Variants in KHSRP observed in about 807,000 individuals in gnomAD.
KHSRP encodes far upstream element-binding protein 2.
In KHSRP, 13 loss-of-function variants were observed where a neutral mutation model predicts 94.9. The ratio of observed to expected loss-of-function variants is 0.14; its 90% CI spans 0.09 to 0.22. The LOEUF is 0.22. Among genes scored for constraint, KHSRP ranks in the 10% least tolerant of loss-of-function variants. The probability of loss-of-function intolerance (pLI) is 1.00; values close to 1 mark genes in which losing one functional copy is unlikely to be tolerated. For missense variants in KHSRP, 710 were observed against 1,010.0 expected (o/e 0.70, Z 4.03); for synonymous variants, 495 against 401.4 (o/e 1.23, Z -2.79).
At chr19:6,420,169 G>A (rs1285965618) in intron 5 of KHSRP, 25 bp from the exon 6 acceptor site, 11 of 1,600,394 alleles carry the variant, frequency 6.9e-6, no homozygotes, top group Middle Eastern at 1.7e-4. Context: ...AAGGAGAAAA[G>A]CAAAGCGTGA....
chr19:6,422,493 C>T, intron 1 of KHSRP, 57 bp from the exon 2 acceptor site: 3 of 1,280,140 alleles, frequency 2.3e-6, no homozygotes, highest in Non-Finnish European at 2.3e-6. Flanking sequence ...CTCCATGGCA[C>T]CCAGGTCAAC....
rs1376316532 is a variant in KHSRP at position 6,413,386 on chromosome 19, G to C, written c.*1638C>G. 4 of 413,392 alleles carry C rather than the reference G, an allele frequency of 9.7e-6. No homozygotes were observed. The highest frequency in any genetic ancestry group is 8.5e-5 in the African/African-American group (4 of 46,808). 25.6% of individuals were successfully genotyped at this position (413,392 alleles called of 1,614,324 possible). A position where few individuals can be genotyped will look rare whatever the true frequency, so the allele number is the denominator to read the frequency against. ...CATTTATTTGTGAAGTTAAAAACGA[G>C]CGATAAAAAGTAAAAACTGCCATAC... On this transcript the variant is annotated 3_prime_UTR_variant, in exon 19 of 19. Transcript: ENST00000600480.
At position 6,418,693 on chromosome 19, in the gene KHSRP, T is replaced by C. The variant is rs1455446457; in HGVS notation, c.780+9A>G. On this transcript the variant is annotated intron_variant, in intron 8 of 18. Transcript: ENST00000600480. The surrounding 1 kb of genome is among the most constrained non-coding windows in gnomAD (Gnocchi z 4.3). ...GATGCAGAGGAAGCTGCCCAGGTGC[T>C]GCCCTCACCTGCAGCTGCTTAATGG... 2 of 1,613,856 alleles carry C rather than the reference T, an allele frequency of 1.2e-6. No individual in the cohort carries two copies. The highest frequency in any genetic ancestry group is 1.7e-6 in the Non-Finnish European group (2 of 1,179,834).
At chr19:6,421,026 C>A in intron 4 of KHSRP, 1 of 533,382 alleles carries the variant, frequency 1.9e-6, no homozygotes, top group Admixed American at 3.5e-5. Context: ...GCGGAGGAAG[C>A]CATAGGGTGC....
chr19:6,416,691 C>T, intron 13 of KHSRP, 41 bp from the exon 14 acceptor site: 2 of 1,612,804 alleles, frequency 1.2e-6, no homozygotes, highest in Non-Finnish European at 1.7e-6. Context: ...GCAGTGATGG[C>T]CCAGGGAAGA....
In KHSRP at chr19:6,416,787, C is replaced by T. The variant is rs759971961; in HGVS notation, c.1278G>A (p.Glu426=). ...GQGNWGPPGG[E]MTFSIPTHKC... Reference sequence around the variant, plus strand: ...TGTGAGTGGGGATGGAGAAGGTCATCTCCCCGCCAGGGGGACCCCAATTGC... The same window carrying T: ...TGTGAGTGGGGATGGAGAAGGTCATTTCCCCGCCAGGGGGACCCCAATTGC... Residue 426 remains glutamate (E), a synonymous_variant, in exon 13 of 19, where the codon GAG becomes GAA. Coordinates refer to ENST00000600480, the MANE Select transcript of KHSRP (RefSeq NM_001366299.1). The T allele has an allele frequency of 1.3e-5, 20 of 1,588,156 alleles. No individual in the cohort carries two copies. The East Asian group carries it at 4.1e-4, about 32-fold the overall frequency.
intron 2 of KHSRP, among the ~76,000 whole-genome samples, chr19:6,421,970 C>T (rs930667483): frequency 6.6e-5 from 10 of 152,172 alleles, no homozygotes; most frequent in East Asian, 3.9e-4. Flanking sequence ...GGGAGGGTGT[C>T]GTGGATAACA....
intron 3 of KHSRP, 85 bp downstream of exon 3, chr19:6,421,565 A>G (rs561851582): frequency 6.9e-7 from 1 of 1,456,952 alleles, no homozygotes; most frequent in East Asian, 2.3e-5. Flanking sequence ...AAGAGCTGCC[A>G]CCTCCTCAGT....
At chr19:6,421,568 T>G in intron 3 of KHSRP, 82 bp downstream of exon 3, 2 of 1,464,178 alleles carry the variant, frequency 1.4e-6, no homozygotes, top group Non-Finnish European at 1.9e-6. Context: ...AGCTGCCACC[T>G]CCTCAGTGCT....
chr19:6,421,583 G>A, intron 3 of KHSRP, 67 bp downstream of exon 3: 1 of 1,553,216 alleles, frequency 6.4e-7, no homozygotes, highest in Non-Finnish European at 8.9e-7. Context: ...AGTGCTTCCA[G>A]CTCCTGACTC....
chr19:6,424,450 C>T lies in KHSRP; in HGVS notation c.249+3G>A, dbSNP rs1382159610. 10 of 991,508 alleles carry T rather than the reference C, an allele frequency of 1.0e-5. No homozygotes were observed. In the African/African-American group the frequency reaches 1.8e-4, roughly 17 times the overall value. 61.4% of individuals were successfully genotyped at this position (991,508 alleles called of 1,614,324 possible). On this transcript the variant is annotated splice_donor_region_variant and intron_variant, in intron 1 of 18. Transcript: ENST00000600480. The stretch of plus-strand genomic sequence containing the variant: ...GCGCCCCTCAGGCCCTCGGCCTCCT[C>T]ACCTGGCGGGCCCGCTGCACGGCGT...
chr19:6,417,222 C>T (rs1404283895), intron 11 of KHSRP, 135 bp from the exon 12 acceptor site: 2 of 695,590 alleles, frequency 2.9e-6, no homozygotes, highest in African/African-American at 1.8e-5. Flanking sequence ...CCAGCCTCCA[C>T]TCGCTCAGGG....
Position 6,414,526 on chromosome 19 carries a change from T to C in KHSRP, c.*498A>G, listed in dbSNP as rs1329153469. 4.8e-6 allele frequency: 5 copies of C among 1,041,520 alleles called. No homozygotes were observed. Among genetic ancestry groups the C allele is most frequent in the Non-Finnish European group, 2.3e-6 (2 of 866,402 alleles). The allele number at this position is 1,041,520 out of a possible 1,614,324, so 64.5% of individuals were successfully genotyped here. On this transcript the variant is annotated 3_prime_UTR_variant, in exon 19 of 19. Coordinates refer to ENST00000600480, the MANE Select transcript of KHSRP (RefSeq NM_001366299.1). ...AGGTGGCAACGATCTTCACGCCCAC[T>C]TCACAGACAAGCCCGGGACACAGGC...
chr19:6,423,984 G>A (rs1257411454), intron 1 of KHSRP, among the ~76,000 whole-genome samples: 1 of 152,096 alleles, frequency 6.6e-6, no homozygotes, highest in East Asian at 1.9e-4. Context: ...CCACTTTCCC[G>A]ACTGAAGAGG....
chr19:6,423,084 G>C (rs139750157), intron 1 of KHSRP, among the ~76,000 whole-genome samples: 55 of 152,284 alleles, frequency 3.6e-4, no homozygotes, highest in Non-Finnish European at 5.4e-4. Flanking sequence ...GTTCGAGACA[G>C]ACTGGCTGAC....
intron 11 of KHSRP, 104 bp from the exon 12 acceptor site, chr19:6,417,191 C>T: frequency 2.4e-6 from 2 of 828,806 alleles, no homozygotes; most frequent in East Asian, 2.7e-5. Flanking sequence ...GGCCTGAGAT[C>T]TCAGACGCGC....
At position 6,424,600 on chromosome 19, in the gene KHSRP, C is replaced by T. The variant is rs1346261999; in HGVS notation, c.102G>A (p.Pro34=). 2.1e-6 allele frequency: 2 copies of T among 959,232 alleles called. No homozygotes were observed. Among genetic ancestry groups the T allele is most frequent in the African/African-American group, 1.8e-5 (1 of 54,792 alleles). 59.4% of individuals were successfully genotyped at this position (959,232 alleles called of 1,614,324 possible). A position where few individuals can be genotyped will look rare whatever the true frequency, so the allele number is the denominator to read the frequency against. ...GGAGGGPPPG[P]PGAGDRGGGG... is the part of the protein sequence containing the mutation. ...CGCCGCCCCGGTCCCCCGCGCCTGGCGGGCCCGGCGGAGGGCCTCCCCCGG... is the reference window on the plus strand; with the variant it reads ...CGCCGCCCCGGTCCCCCGCGCCTGGTGGGCCCGGCGGAGGGCCTCCCCCGG... The change falls in exon 1 of 19, where the codon CCG becomes CCA. Residue 34 remains proline, a synonymous_variant. Coordinates refer to ENST00000600480, the MANE Select transcript of KHSRP (RefSeq NM_001366299.1).
At chr19:6,423,077 C>G (rs924535184) in intron 1 of KHSRP, among the ~76,000 whole-genome samples, 1 of 152,114 alleles carries the variant, frequency 6.6e-6, no homozygotes, top group Non-Finnish European at 1.5e-5. Context: ...CTCAGGAGTT[C>G]GAGACAGACT....
At chr19:6,420,229 C>T in intron 5 of KHSRP, 85 bp from the exon 6 acceptor site, 4 of 1,315,382 alleles carry the variant, frequency 3.0e-6, no homozygotes, top group Admixed American at 2.0e-5. Flanking sequence ...GGGGCCCCAG[C>T]CCCTCTGACG....
Sources: allele counts gnomAD v4.1 joint callset (sites outside exome capture counted in the v4.1 genomes callset), GRCh38; gene constraint gnomAD v4.1.1; non-coding constraint Gnocchi (gnomAD v3.1); transcripts MANE v1.5; gene names NCBI Gene and HGNC (gene_info 2026-07-23, HGNC 2026-07-21).